Variants in NLRC5 observed in about 807,000 individuals in gnomAD.
The protein encoded by NLRC5 is NLR family CARD domain containing 5.
In NLRC5, 114 loss-of-function variants were observed where a neutral mutation model predicts 206.9. That is an observed-to-expected ratio of 0.55 (90% CI 0.47 to 0.64). The LOEUF is 0.64. Ranked by LOEUF, NLRC5 falls within the 30% of genes least tolerant of loss-of-function variation. NLRC5 has a pLI of 0.00. For synonymous variants in NLRC5, 952 were observed against 962.8 expected (o/e 0.99, Z 0.21); for missense variants, 2,008 against 2,305.5 (o/e 0.87, Z 2.64).
chr16:57,031,606 T>A, intron 11 of NLRC5, 143 bp downstream of exon 11: 1 of 768,320 alleles, frequency 1.3e-6, no homozygotes, highest in Non-Finnish European at 2.2e-6. Flanking sequence ...AGGAATGAAT[T>A]ACTGCTTAGG....
intron 20 of NLRC5, 69 bp from the exon 21 acceptor site, chr16:57,045,379 G>A: frequency 1.3e-6 from 2 of 1,545,116 alleles, no homozygotes; most frequent in African/African-American, 2.7e-5. Context: ...GACCAGTCTG[G>A]GTTCTTGCCA....
chr16:57,025,663 G>A lies in NLRC5; in HGVS notation c.720G>A (p.Arg240=). Residue 240 remains arginine, a synonymous_variant, in exon 6 of 49, where the codon CGG becomes CGA. Transcript: ENST00000688547. ...TGGGCAAGACCACGCTGGCCCACCG[G>A]CTCTGCCAGAAGTGGGCAGAGGGCC... ...AGMGKTTLAH[R]LCQKWAEGHL... The A allele has an allele frequency of 6.2e-7, 1 of 1,614,198 alleles. No individual in the cohort carries two copies. The highest frequency in any genetic ancestry group is 8.5e-7 in the Non-Finnish European group (1 of 1,180,030).
chr16:57,030,065 G>A lies in NLRC5; in HGVS notation c.2398G>A (p.Val800Ile), dbSNP rs371576531. 2.1e-5 allele frequency: 34 copies of A among 1,613,938 alleles called. No homozygotes were observed. In the East Asian group the frequency reaches 2.5e-4, roughly 12 times the overall value. Residue 800 changes from valine to isoleucine, a missense_variant, in exon 10 of 49, where the codon GTC becomes ATC. Transcript: ENST00000688547. ...LARVAVTCPTVRMLQAREADL... is the reference protein window; with the variant it reads ...LARVAVTCPTIRMLQAREADL... ...AAGGGTGGCAGTCACGTGTCCTACC[G>A]TCAGGATGCTTCAGGCCAGGTGAGC...
intron 1 of NLRC5, among the ~76,000 whole-genome samples, chr16:57,010,435 C>G (rs938366899): frequency 1.3e-5 from 2 of 152,094 alleles, no homozygotes; most frequent in African/African-American, 2.4e-5. Flanking sequence ...AGTGGGGTGG[C>G]GAGATCATAG....
intron 1 of NLRC5, among the ~76,000 whole-genome samples, chr16:56,994,284 G>A (rs1236110930): frequency 6.6e-6 from 1 of 152,174 alleles, no homozygotes; most frequent in African/African-American, 2.4e-5. Flanking sequence ...CTTCTTAGGG[G>A]AAGGATGGCA....
rs1284609115 is a variant in NLRC5, at chr16:57,061,433, G to C, written c.3987-15G>C. 3 of 1,609,218 alleles carry C rather than the reference G, an allele frequency of 1.9e-6. No homozygotes were observed. Among genetic ancestry groups the C allele is most frequent in the Non-Finnish European group, 8.5e-7 (1 of 1,179,208 alleles). On this transcript the variant is annotated splice_polypyrimidine_tract_variant and intron_variant, in intron 30 of 48. Coordinates refer to ENST00000688547, the MANE Select transcript of NLRC5 (RefSeq NM_001384950.1). The stretch of plus-strand genomic sequence containing the variant: ...CAGGCCTCACCCAGGCTCTGCCCTG[G>C]CTTTCTGCCCTCAGGCTAAGTGAGT...
chr16:57,025,351 G>A lies in NLRC5; in HGVS notation c.425-17G>A, dbSNP rs753388691. On this transcript the variant is annotated splice_polypyrimidine_tract_variant and intron_variant, in intron 5 of 48. Coordinates refer to ENST00000688547, the MANE Select transcript of NLRC5 (RefSeq NM_001384950.1). ...CCGGGGGGTCCTCTCCTCATGCCAT[G>A]TCCCTGCCCCTTGCAGAGTTGGCCA... 7.2e-6 allele frequency: 11 copies of A among 1,522,382 alleles called. 1 individual carries two copies. In the African/African-American group the frequency reaches 1.4e-4, roughly 19 times the overall value. 94.3% of individuals were successfully genotyped at this position (1,522,382 alleles called of 1,614,324 possible). A position where few individuals can be genotyped will look rare whatever the true frequency, so the allele number is the denominator to read the frequency against.
intron 33 of NLRC5, 132 bp from the exon 34 acceptor site, chr16:57,066,402 C>A: frequency 2.8e-6 from 2 of 721,550 alleles, no homozygotes; most frequent in Non-Finnish European, 4.9e-6. Context: ...CAGTCCTAAG[C>A]TGGTCCCTGG....
Position 57,082,850 on chromosome 16 carries a change from G to A in NLRC5, c.*322G>A, listed in dbSNP as rs140426243. Reference sequence around the variant, plus strand: ...GCAGTGTGACCCCTTGACATGTGGCGTTACATGAAAGTCAGTGTGGCACGT... The same window carrying A: ...GCAGTGTGACCCCTTGACATGTGGCATTACATGAAAGTCAGTGTGGCACGT... On this transcript the variant is annotated 3_prime_UTR_variant, in exon 49 of 49. Transcript: ENST00000688547. The A allele has an allele frequency of 2.5e-3, 601 of 237,258 alleles. 2 individuals are homozygous for A. The highest frequency in any genetic ancestry group is 6.3e-3 in the South Asian group (70 of 11,066). 14.7% of individuals were successfully genotyped at this position (237,258 alleles called of 1,614,324 possible).
At chr16:57,031,878 T>C (rs954811499) in intron 11 of NLRC5, among the ~76,000 whole-genome samples, 20 of 151,866 alleles carry the variant, frequency 1.3e-4, no homozygotes, top group African/African-American at 4.6e-4. Context: ...TAGAGCACTG[T>C]TGGCATGCAG....
At chr16:57,063,183 G>C (rs1206643742) in intron 32 of NLRC5, among the ~76,000 whole-genome samples, 3 of 140,198 alleles carry the variant, frequency 2.1e-5, no homozygotes, top group African/African-American at 8.1e-5. Flanking sequence ...CTCGATCTCA[G>C]CTCACTGCAC....
intron 1 of NLRC5, among the ~76,000 whole-genome samples, chr16:57,012,843 G>A (rs1227994727): frequency 6.6e-6 from 1 of 152,108 alleles, no homozygotes; most frequent in Non-Finnish European, 1.5e-5. Context: ...TATATACGGT[G>A]TCCTGTTTCT....
chr16:57,014,083 G>A (rs899271734), intron 1 of NLRC5: 2 of 231,782 alleles, frequency 8.6e-6, no homozygotes, highest in African/African-American at 4.7e-5. Flanking sequence ...CACCATTAAG[G>A]TCCACAGGCT....
rs556424802 is a variant in NLRC5 at position 57,033,787 on chromosome 16, A to T, written c.2543+118A>T. The T allele has an allele frequency of 1.0e-4, 99 of 971,912 alleles. No homozygotes were observed. In the Middle Eastern group the frequency reaches 2.9e-3, roughly 29 times the overall value. 60.2% of individuals were successfully genotyped at this position (971,912 alleles called of 1,614,324 possible). On this transcript the variant is annotated intron_variant, in intron 12 of 48. Transcript: ENST00000688547. ...AAAGCAGATGAGGGACAGGGAAAGG[A>T]TTAGCCGGGTGTGGTGCCCATCCTG...
chr16:57,026,883 C>T lies in NLRC5; in HGVS notation c.1940C>T (p.Thr647Ile), dbSNP rs1162853795. 5 of 1,614,234 alleles carry T rather than the reference C, an allele frequency of 3.1e-6. No homozygotes were observed. The highest frequency in any genetic ancestry group is 4.2e-6 in the Non-Finnish European group (5 of 1,180,050). The change falls in exon 6 of 49, where the codon ACC becomes ATC. Residue 647 changes from threonine (T) to isoleucine (I), a missense_variant. Transcript: ENST00000688547. ...CTGCCCTTCCACAATTTCCCACTGA[C>T]CTGCACCGACCTGGCCACCCTGACC... ...YQLPFHNFPL[T>I]CTDLATLTNI...
intron 43 of NLRC5, 72 bp from the exon 44 acceptor site, chr16:57,078,978 A>G: frequency 7.3e-7 from 1 of 1,377,278 alleles, no homozygotes; most frequent in Non-Finnish European, 1.0e-6. Flanking sequence ...CTGCAGCCTG[A>G]GACAAGGCTG....
At chr16:57,071,667 G>T (rs2067806573) in intron 38 of NLRC5, among the ~76,000 whole-genome samples, 1 of 142,072 alleles carries the variant, frequency 7.0e-6, no homozygotes, top group African/African-American at 2.7e-5. Flanking sequence ...GGGAGTGAGT[G>T]GTGATGGTGG....
At position 57,082,471 on chromosome 16, in the gene NLRC5, G is replaced by A. The variant is rs1300457174; in HGVS notation, c.5544G>A (p.Glu1848=). The A allele has an allele frequency of 6.8e-6, 11 of 1,613,750 alleles. No individual in the cohort carries two copies. Among genetic ancestry groups the A allele is most frequent in the East Asian group, 6.7e-5 (3 of 44,880 alleles). ...TGGCCCAGCACCTGAAGAGCCAGGA[G>A]CCCAGGCTGGACTTTGCCTTCTTTG... ...CDMAQHLKSQ[E]PRLDFAFFDN... The change falls in exon 49 of 49, where the codon GAG becomes GAA. Residue 1848 remains glutamate, a synonymous_variant. Coordinates refer to ENST00000688547, the MANE Select transcript of NLRC5 (RefSeq NM_001384950.1).
intron 10 of NLRC5, 101 bp from the exon 11 acceptor site, chr16:57,031,303 C>G (rs1220329777): frequency 4.7e-6 from 6 of 1,271,508 alleles, no homozygotes; most frequent in Non-Finnish European, 6.8e-6. Flanking sequence ...TCAGCTTTAT[C>G]TGGATGTTTG....
Sources: gnomAD v4.1 joint callset for allele counts (sites outside exome capture counted in the v4.1 genomes callset) on GRCh38, gnomAD v4.1.1 for gene constraint, MANE v1.5 for transcripts, NCBI Gene and HGNC (gene_info 2026-07-23, HGNC 2026-07-21) for gene names.